CHD9: variants seen among roughly 807,000 people sequenced by gnomAD.
The protein encoded by CHD9 is ATP-dependent chromatin remodeler CHD9.
In CHD9, 77 loss-of-function variants were observed where a neutral mutation model predicts 316.1. The ratio of observed to expected loss-of-function variants is 0.24; its 90% CI spans 0.20 to 0.29. The LOEUF is 0.29. Ranked by LOEUF, CHD9 falls within the 10% of genes least tolerant of loss-of-function variation. The pLI is 1.00. For synonymous variants in CHD9, 1,129 were observed against 1,158.3 expected (o/e 0.97, Z 0.51); for missense variants, 2,763 against 3,438.1 (o/e 0.80, Z 4.91).
intron 3 of CHD9, 97 bp downstream of exon 3, chr16:53,209,910 A>G (rs2046193516): frequency 3.6e-6 from 3 of 843,894 alleles, no homozygotes; most frequent in South Asian, 3.9e-5. Context: ...ATTTACTCCC[A>G]TATTTGAGTT....
At chr16:53,307,558 T>A in intron 32 of CHD9, 123 bp from the exon 33 acceptor site, 1 of 767,542 alleles carries the variant, frequency 1.3e-6, no homozygotes. Flanking sequence ...CACGAGAATA[T>A]GTATGCATAG....
rs562680311 is a variant in CHD9 at position 53,262,876 on chromosome 16, T to G, written c.4210-111T>G. 63 of 843,316 alleles carry G rather than the reference T, an allele frequency of 7.5e-5. 1 individual carries two copies. In the African/African-American group the frequency reaches 8.3e-4, roughly 11 times the overall value. The allele number at this position is 843,316 out of a possible 1,614,324, so 52.2% of individuals were successfully genotyped here. On this transcript the variant is annotated intron_variant, in intron 19 of 38. Transcript: ENST00000447540. ...AGACCACTGAATTTGAAACACCCTT[T>G]GATGTATGAGTATGCAGAATTCAAA...
intron 2 of CHD9, among the ~76,000 whole-genome samples, chr16:53,190,448 G>T (rs1281508787): frequency 6.6e-6 from 1 of 151,922 alleles, no homozygotes; most frequent in East Asian, 1.9e-4. Context: ...GAAATACAAG[G>T]CTGCATCTCA....
chr16:53,296,236 T>A (rs117687431), intron 29 of CHD9, among the ~76,000 whole-genome samples: 1,685 of 152,310 alleles, frequency 0.011, 12 homozygotes, highest in Non-Finnish European at 0.017. Context: ...TACCTTATAC[T>A]ATAAATGTGT....
intron 3 of CHD9, among the ~76,000 whole-genome samples, chr16:53,221,978 A>G (rs1374994360): frequency 2.6e-5 from 4 of 152,276 alleles, no homozygotes; most frequent in South Asian, 2.1e-4. Flanking sequence ...CATTTTTCCT[A>G]TGAAAAGTAA....
intron 2 of CHD9, among the ~76,000 whole-genome samples, chr16:53,169,825 A>G (rs1158349881): frequency 6.6e-6 from 1 of 152,194 alleles, no homozygotes; most frequent in Non-Finnish European, 1.5e-5. Context: ...ACTTGTCCCA[A>G]TAATATTCTT....
In CHD9 at chr16:53,274,259, A is replaced by G. The variant is rs915528317; in HGVS notation, c.4924A>G (p.Ile1642Val). The G allele has an allele frequency of 1.2e-5, 19 of 1,599,610 alleles. No individual in the cohort carries two copies. The highest frequency in any genetic ancestry group is 1.6e-5 in the Non-Finnish European group (19 of 1,174,210). Residue 1642 changes from isoleucine to valine, a missense_variant, in exon 24 of 39, where the codon ATT (isoleucine) becomes GTT (valine). Coordinates refer to ENST00000447540, the MANE Select transcript of CHD9 (RefSeq NM_001308319.2). ...RMLYYLKQEV[I>V]GNECQKVFDG... is the part of the protein sequence containing the mutation. ...GCTGTATTATCTAAAGCAAGAAGTT[A>G]TTGGAAATGAGTGTCAGAAAGTATT... is the stretch of plus-strand genomic sequence containing the variant.
At chr16:53,126,015 CTACTTTTTGTGG>C (rs1240171212) in intron 1 of CHD9, among the ~76,000 whole-genome samples, 3 of 152,186 alleles carry the variant, frequency 2.0e-5, no homozygotes, top group African/African-American at 7.2e-5. Flanking sequence ...GAAGTTTAAT[CTACTTTTTGTGG>C]TTTCTTGTAT....
rs2054357026 is a variant in CHD9 at position 53,291,729 on chromosome 16, A to G, written c.5252A>G (p.Asp1751Gly). The change falls in exon 28 of 39, where the codon GAT (aspartate) becomes GGT (glycine). Residue 1751 changes from aspartate to glycine, a missense_variant. Physicochemically the swap from Asp to Gly is moderately conservative, Grantham distance 94. Coordinates refer to ENST00000447540, the MANE Select transcript of CHD9 (RefSeq NM_001308319.2). ...PAIFKDDIED[D>G]VSSPGDLVIA... The stretch of plus-strand genomic sequence containing the variant: ...GTTTCTATTTTCTTTTAAAAGGATG[A>G]TGTTTCCTCACCAGGAGATCTTGTT... 1.3e-6 allele frequency: 2 copies of G among 1,563,134 alleles called. No individual in the cohort carries two copies. Among genetic ancestry groups the G allele is most frequent in the Non-Finnish European group, 1.7e-6 (2 of 1,161,026 alleles).
intron 2 of CHD9, among the ~76,000 whole-genome samples, chr16:53,164,892 T>C (rs2042170264): frequency 6.6e-6 from 1 of 152,122 alleles, no homozygotes; most frequent in South Asian, 2.1e-4. Flanking sequence ...TGACCTCAAG[T>C]GATCTGCCCT....
intron 29 of CHD9, among the ~76,000 whole-genome samples, chr16:53,294,758 C>A (rs2054632463): frequency 6.6e-6 from 1 of 152,216 alleles, no homozygotes; most frequent in Non-Finnish European, 1.5e-5. Context: ...ATAGATTCTA[C>A]CCGTTAATGG....
chr16:53,316,357 G>A (rs562823419), intron 36 of CHD9, among the ~76,000 whole-genome samples: 6 of 152,210 alleles, frequency 3.9e-5, no homozygotes, highest in Admixed American at 2.6e-4. Flanking sequence ...AGAGATTGAG[G>A]ATATAGCAGT....
rs996713640 is a variant in CHD9, at chr16:53,172,086, A to G, written c.1452+14545A>G. ...ACATATTTAAAGTATAGAATTGGGT[A>G]AATTTTGACATATGTATATACCAGT... On this transcript the variant is annotated intron_variant, in intron 2 of 38. Transcript: ENST00000447540. Among the ~76,000 whole-genome samples the G allele has an allele frequency of 2.0e-5, 3 of 152,182 alleles. 1 individual carries two copies. The highest frequency in any genetic ancestry group is 4.1e-4 in the South Asian group (2 of 4,828).
At chr16:53,291,667 T>C in intron 27 of CHD9, 58 bp from the exon 28 acceptor site, 1 of 1,168,788 alleles carries the variant, frequency 8.6e-7, no homozygotes. Flanking sequence ...CTCTTTTCTT[T>C]TTTTATATAT....
chr16:53,085,660 C>G (rs1285657774), intron 1 of CHD9, among the ~76,000 whole-genome samples: 1 of 152,220 alleles, frequency 6.6e-6, no homozygotes, highest in Non-Finnish European at 1.5e-5. Context: ...TAGCAATAAC[C>G]TTCTGGGAAT....
At chr16:53,276,691 A>G (rs1266166837) in intron 24 of CHD9, among the ~76,000 whole-genome samples, 2 of 151,980 alleles carry the variant, frequency 1.3e-5, no homozygotes, top group African/African-American at 4.8e-5. Flanking sequence ...CCTTTCTTGG[A>G]TCTTTTTTTC....
At position 53,321,519 on chromosome 16, in the gene CHD9, T is replaced by C. The variant is rs942428146; in HGVS notation, c.7714-7T>C. On this transcript the variant is annotated splice_polypyrimidine_tract_variant and splice_region_variant and intron_variant, in intron 37 of 38. Coordinates refer to ENST00000447540, the MANE Select transcript of CHD9 (RefSeq NM_001308319.2). ...GTTGTAGTATTTAATCTGTTTCTAA[T>C]TTACAGGTTGGAGGTGCATTTGCTC... 7 of 1,532,196 alleles carry C rather than the reference T, an allele frequency of 4.6e-6. No homozygotes were observed. The East Asian group carries it at 1.7e-4, about 36-fold the overall frequency. The allele number at this position is 1,532,196 out of a possible 1,614,324, so 94.9% of individuals were successfully genotyped here.
intron 4 of CHD9, among the ~76,000 whole-genome samples, chr16:53,225,583 T>G: frequency 6.6e-6 from 1 of 152,270 alleles, no homozygotes; most frequent in Non-Finnish European, 1.5e-5. Flanking sequence ...GATTTAAAAT[T>G]ACTTAGATTA....
At chr16:53,290,270 A>T (rs1047871275) in intron 27 of CHD9, among the ~76,000 whole-genome samples, 2 of 152,032 alleles carry the variant, frequency 1.3e-5, no homozygotes, top group African/African-American at 4.8e-5. Flanking sequence ...ACCTGTCTCA[A>T]AAAAAAGAAA....
Sources: gnomAD v4.1 joint callset for allele counts (sites outside exome capture counted in the v4.1 genomes callset) on GRCh38, gnomAD v4.1.1 for gene constraint, MANE v1.5 for transcripts, NCBI Gene and HGNC (gene_info 2026-07-23, HGNC 2026-07-21) for gene names.